Variants in NCKAP5 observed in about 807,000 individuals in gnomAD.
NCKAP5 encodes the protein nck-associated protein 5.
Under a neutral mutation model 167.0 loss-of-function variants are expected in NCKAP5, and 92 were observed. That is an observed-to-expected ratio of 0.55 (90% confidence interval 0.47 to 0.66). NCKAP5 has a LOEUF of 0.66. NCKAP5 is among the 30% of genes least tolerant of loss of function. The pLI is 0.00. For synonymous variants in NCKAP5, 891 were observed against 877.4 expected, an observed-to-expected ratio of 1.02 and a Z score of -0.27; for missense variants, 2,378 against 2,315.0, an observed-to-expected ratio of 1.03 and a Z score of -0.56.
chr2:133,447,031 A>G (rs906827831), intron 3 of NCKAP5, among the ~76,000 whole-genome samples: 5 of 152,148 alleles, frequency 3.3e-5, no homozygotes, highest in Non-Finnish European at 7.4e-5. Context: ...GCTAACCAAG[A>G]AAGAACCATT....
rs191553488 is a variant in NCKAP5 at position 133,210,225 on chromosome 2, T to A, written c.207+3491A>T. Among the ~76,000 whole-genome samples the A allele has an allele frequency of 2.9e-3, 430 of 150,406 alleles. 1 individual carries two copies. The highest frequency in any genetic ancestry group is 9.6e-3 in the African/African-American group (394 of 41,182). On this transcript the variant is annotated intron_variant, in intron 5 of 19. Transcript: ENST00000409261. ...TAATATAATGTAATGTAATGTAAAATAAATCTCTCAAAATGCTGCTTTGGG... is the reference window on the plus strand; with the variant it reads ...TAATATAATGTAATGTAATGTAAAAAAAATCTCTCAAAATGCTGCTTTGGG...
chr2:133,261,266 A>G (rs1405357577), intron 4 of NCKAP5, among the ~76,000 whole-genome samples: 1 of 152,150 alleles, frequency 6.6e-6, no homozygotes, highest in African/African-American at 2.4e-5. Context: ...AAGTTTTCCA[A>G]ACGATTCAAA....
chr2:132,935,740 A>C (rs1696792851), intron 8 of NCKAP5, among the ~76,000 whole-genome samples: 1 of 152,146 alleles, frequency 6.6e-6, no homozygotes, highest in Non-Finnish European at 1.5e-5. Context: ...CATCTGGGCC[A>C]GTGCTCACAA....
chr2:133,068,414 T>C (rs1046254006), intron 6 of NCKAP5, among the ~76,000 whole-genome samples: 1 of 152,160 alleles, frequency 6.6e-6, no homozygotes, highest in South Asian at 2.1e-4. Context: ...GTCAAAAGAA[T>C]AGTAGTAAGA....
chr2:133,079,944 C>T (rs923731206), intron 6 of NCKAP5, among the ~76,000 whole-genome samples: 3 of 152,092 alleles, frequency 2.0e-5, no homozygotes, highest in Admixed American at 6.6e-5. Context: ...TTATCTTTCT[C>T]GCAAACACTA....
intron 4 of NCKAP5, among the ~76,000 whole-genome samples, chr2:133,289,529 G>A (rs1006921444): frequency 6.6e-6 from 1 of 152,000 alleles, no homozygotes; most frequent in Non-Finnish European, 1.5e-5. Flanking sequence ...ATCACTTGAG[G>A]TCAGGGGTTT....
chr2:133,287,548 T>A lies in NCKAP5; in HGVS notation c.143+15489A>T, dbSNP rs149079484. ...CCCTGTTCAAGAAAATCGATCAATG[T>A]GTGTTAGCTAAACACCTGTTATGTT... On this transcript the variant is annotated intron_variant, in intron 4 of 19. Coordinates refer to ENST00000409261, the MANE Select transcript of NCKAP5 (RefSeq NM_207363.3). Among the ~76,000 whole-genome samples the A allele has an allele frequency of 5.8e-4, 88 of 152,362 alleles. No individual in the cohort carries two copies. The East Asian group carries it at 0.014, about 24-fold the overall frequency.
the NCKAP5 span, among the ~76,000 whole-genome samples, chr2:133,605,566 C>T: frequency 6.6e-6 from 1 of 152,212 alleles, no homozygotes; most frequent in East Asian, 1.9e-4. Flanking sequence ...CTTGAAACCA[C>T]AGTCCCTGAA....
At chr2:132,930,460 T>TG (rs1696282437) in intron 8 of NCKAP5, 1 of 152,166 alleles carries the variant, frequency 6.6e-6, no homozygotes, top group Non-Finnish European at 1.5e-5. Flanking sequence ...CACTTGATGG[T>TG]GCAGAAAAGG....
intron 6 of NCKAP5, among the ~76,000 whole-genome samples, chr2:133,030,989 A>T (rs1448897856): frequency 6.6e-6 from 1 of 152,154 alleles, no homozygotes; most frequent in African/African-American, 2.4e-5. Flanking sequence ...TTAAGGGACC[A>T]TCTGGATAAC....
intron 3 of NCKAP5, among the ~76,000 whole-genome samples, chr2:133,406,737 A>G (rs1245500023): frequency 1.3e-5 from 2 of 152,166 alleles, no homozygotes; most frequent in Non-Finnish European, 2.9e-5. Flanking sequence ...TGCTGAGTAA[A>G]TTCAGTTCTC....
chr2:133,095,477 G>C (rs937836251), intron 6 of NCKAP5, among the ~76,000 whole-genome samples: 1 of 152,154 alleles, frequency 6.6e-6, no homozygotes, highest in Non-Finnish European at 1.5e-5. Context: ...AGACCTTGAG[G>C]CTTCTGCTTT....
intron 6 of NCKAP5, among the ~76,000 whole-genome samples, chr2:133,108,776 G>C (rs1348066169): frequency 6.6e-6 from 1 of 152,130 alleles, no homozygotes; most frequent in Non-Finnish European, 1.5e-5. Flanking sequence ...TAAAAGTAAG[G>C]TTATACAGTA....
intron 4 of NCKAP5, among the ~76,000 whole-genome samples, chr2:133,256,265 C>T (rs893127484): frequency 1.3e-5 from 2 of 151,584 alleles, no homozygotes; most frequent in Non-Finnish European, 1.5e-5. Context: ...GGAGCCTTAC[C>T]CCCTCTATTG....
At chr2:132,826,971 T>A (rs2105346708) in intron 11 of NCKAP5, among the ~76,000 whole-genome samples, 1 of 152,206 alleles carries the variant, frequency 6.6e-6, no homozygotes, top group Admixed American at 6.5e-5. Context: ...TATTGGTACT[T>A]AGAGGCAAAC....
intron 5 of NCKAP5, among the ~76,000 whole-genome samples, chr2:133,158,215 T>G (rs1050110518): frequency 6.6e-5 from 10 of 152,310 alleles, no homozygotes; most frequent in African/African-American, 2.4e-4. Flanking sequence ...CTGAGTATAT[T>G]TGCTGTCATT....
Position 133,568,403 on chromosome 2 carries a change from C to G in NCKAP5, c.-317G>C, listed in dbSNP as rs1033921194. 6.6e-6 allele frequency: 1 copy of G among 152,176 alleles called. No homozygotes were observed. Among genetic ancestry groups the G allele is most frequent in the Non-Finnish European group, 1.5e-5 (1 of 68,030 alleles). 9.4% of individuals were successfully genotyped at this position (152,176 alleles called of 1,614,324 possible). The stretch of plus-strand genomic sequence containing the variant: ...ATCCACAGCGGCTGGGAAGTCCTGC[C>G]GTGAATGCGGAGCAAGTTTGCGGAG... On this transcript the variant is annotated 5_prime_UTR_variant, in exon 1 of 20. Coordinates refer to ENST00000409261, the MANE Select transcript of NCKAP5 (RefSeq NM_207363.3).
chr2:132,696,190 G>C (rs1407254972), intron 19 of NCKAP5, among the ~76,000 whole-genome samples: 4 of 152,206 alleles, frequency 2.6e-5, no homozygotes, highest in African/African-American at 7.2e-5. Flanking sequence ...GATGACTCCA[G>C]AGAAGGGCAG....
the NCKAP5 span, among the ~76,000 whole-genome samples, chr2:133,615,896 T>A: frequency 6.6e-6 from 1 of 151,500 alleles, no homozygotes; most frequent in Non-Finnish European, 1.5e-5. Context: ...ACCACATAGT[T>A]GGAAGTAAAG....
Sources: gnomAD v4.1 joint callset for allele counts (sites outside exome capture counted in the v4.1 genomes callset) on GRCh38, gnomAD v4.1.1 for gene constraint, MANE v1.5 for transcripts, NCBI Gene and HGNC (gene_info 2026-07-23, HGNC 2026-07-21) for gene names.